Variants in ZFPM2 observed in about 807,000 individuals in gnomAD.
The protein encoded by ZFPM2 is zinc finger protein ZFPM2.
In ZFPM2, 20 loss-of-function variants were observed where a neutral mutation model predicts 98.6. That is an observed-to-expected ratio of 0.20 (90% CI 0.14 to 0.29). ZFPM2 has a LOEUF of 0.29. Ranked by LOEUF, ZFPM2 falls within the 10% of genes least tolerant of loss-of-function variation. ZFPM2 has a pLI of 1.00. For synonymous variants in ZFPM2, 518 were observed against 502.7 expected (o/e 1.03, Z -0.41); for missense variants, 1,310 against 1,388.6 (o/e 0.94, Z 0.90).
At chr8:105,530,674 C>T (rs1317579585) in intron 3 of ZFPM2, among the ~76,000 whole-genome samples, 1 of 152,132 alleles carries the variant, frequency 6.6e-6, no homozygotes, top group Non-Finnish European at 1.5e-5. Context: ...AGGGTCTACC[C>T]TTATGACCTC....
At position 105,802,460 on chromosome 8, in the gene ZFPM2, G is replaced by T; in HGVS notation, c.2378G>T (p.Gly793Val). The change falls in exon 8 of 8, where the codon GGA (glycine) becomes GTA (valine). Residue 793 changes from glycine (G) to valine (V), a missense_variant. By Grantham distance (109) the Gly-to-Val change is moderately radical (BLOSUM62 -3). Transcript: ENST00000407775. ...CACCCAAGATGTGATATCTTTCCAGGAATTGTCTCTAAACACTTGGAAACT... is the reference window on the plus strand; with the variant it reads ...CACCCAAGATGTGATATCTTTCCAGTAATTGTCTCTAAACACTTGGAAACT... ...CYHPRCDIFP[G>V]IVSKHLETSL... 6.2e-7 allele frequency: 1 copy of T among 1,613,574 alleles called. No individual in the cohort carries two copies. The highest frequency in any genetic ancestry group is 8.5e-7 in the Non-Finnish European group (1 of 1,179,766).
At chr8:105,388,056 C>T (rs1811036545) in intron 1 of ZFPM2, 1 of 152,128 alleles carries the variant, frequency 6.6e-6, no homozygotes, top group Non-Finnish European at 1.5e-5. Context: ...CAAATTAATT[C>T]AAGACATCTT....
intron 2 of ZFPM2, among the ~76,000 whole-genome samples, chr8:105,425,930 G>A (rs896220553): frequency 1.5e-4 from 23 of 152,144 alleles, no homozygotes; most frequent in African/African-American, 4.6e-4. Context: ...AAACATCATA[G>A]TATTTTGTTT....
chr8:105,665,193 T>G (rs1817465976), intron 5 of ZFPM2, among the ~76,000 whole-genome samples: 1 of 152,082 alleles, frequency 6.6e-6, no homozygotes, highest in Non-Finnish European at 1.5e-5. Context: ...TCATGATAAC[T>G]AAACTGTTCC....
chr8:105,680,686 A>AAT (rs933181945), intron 5 of ZFPM2, among the ~76,000 whole-genome samples: 133 of 152,292 alleles, frequency 8.7e-4, no homozygotes, highest in African/African-American at 3.0e-3. Flanking sequence ...ACTACCAGTG[A>AAT]ATATGCCTGG....
At chr8:105,346,323 G>C (rs186526972) in intron 1 of ZFPM2, among the ~76,000 whole-genome samples, 5 of 151,644 alleles carry the variant, frequency 3.3e-5, no homozygotes, top group African/African-American at 1.2e-4. Context: ...GGCGGAGGTT[G>C]CAGTGAGCCG....
intron 3 of ZFPM2, among the ~76,000 whole-genome samples, chr8:105,515,697 T>G (rs1438643012): frequency 6.6e-6 from 1 of 152,068 alleles, no homozygotes; most frequent in Non-Finnish European, 1.5e-5. Flanking sequence ...CAGGCTGTGG[T>G]TCTTTGCTGT....
At chr8:105,524,047 A>G (rs2130558233) in intron 3 of ZFPM2, among the ~76,000 whole-genome samples, 1 of 152,300 alleles carries the variant, frequency 6.6e-6, no homozygotes, top group African/African-American at 2.4e-5. Context: ...TACTGTATCA[A>G]GTAATATATG....
chr8:105,690,673 T>TTA, intron 5 of ZFPM2, among the ~76,000 whole-genome samples: 1 of 152,098 alleles, frequency 6.6e-6, no homozygotes, highest in South Asian at 2.1e-4. Context: ...CAGAAACTAA[T>TTA]ATCTCTCATA....
At chr8:105,461,536 TC>T (rs1383862658) in intron 3 of ZFPM2, among the ~76,000 whole-genome samples, 1 of 152,160 alleles carries the variant, frequency 6.6e-6, no homozygotes, top group African/African-American at 2.4e-5. Context: ...AAATCAGTGG[TC>T]CTAAAGCATT....
intron 1 of ZFPM2, among the ~76,000 whole-genome samples, chr8:105,345,968 T>G (rs1812516165): frequency 6.6e-6 from 1 of 152,222 alleles, no homozygotes. Flanking sequence ...CAATAAATGT[T>G]TGCCATGCAA....
intron 5 of ZFPM2, among the ~76,000 whole-genome samples, chr8:105,666,284 T>A (rs1817486842): frequency 6.6e-6 from 1 of 152,184 alleles, no homozygotes; most frequent in Non-Finnish European, 1.5e-5. Context: ...TCTTCTGATA[T>A]AATCAAGAAA....
intron 5 of ZFPM2, among the ~76,000 whole-genome samples, chr8:105,650,439 T>C (rs1048229536): frequency 2.6e-5 from 4 of 152,222 alleles, no homozygotes; most frequent in African/African-American, 9.6e-5. Context: ...TGTTTGCTCT[T>C]ACTTCTCTAG....
chr8:105,352,726 A>G lies in ZFPM2; in HGVS notation c.40+33745A>G, dbSNP rs149654146. ...CTCCATAAATATTGCCATGAGAAGC[A>G]GAGCCCAAATTGTGGTTCAGATTTT... is the stretch of plus-strand genomic sequence containing the variant. On this transcript the variant is annotated intron_variant, in intron 1 of 7. Transcript: ENST00000407775. 1.6e-3 allele frequency among the ~76,000 whole-genome samples: 239 copies of G among 152,316 alleles called. 1 individual carries two copies. The highest frequency in any genetic ancestry group is 5.6e-3 in the African/African-American group (231 of 41,560).
intron 4 of ZFPM2, among the ~76,000 whole-genome samples, chr8:105,627,008 A>G (rs1394519312): frequency 6.6e-6 from 1 of 152,056 alleles, no homozygotes; most frequent in Non-Finnish European, 1.5e-5. Context: ...GCTCTTTCTA[A>G]CCCTCCTTTT....
intron 3 of ZFPM2, among the ~76,000 whole-genome samples, chr8:105,460,851 G>A (rs1359357285): frequency 6.6e-6 from 1 of 151,776 alleles, no homozygotes; most frequent in Non-Finnish European, 1.5e-5. Flanking sequence ...CTTATTAAAT[G>A]TAACAATTAT....
chr8:105,657,886 AAATTAATAGAAACAATT>A, intron 5 of ZFPM2, among the ~76,000 whole-genome samples: 1 of 152,310 alleles, frequency 6.6e-6, no homozygotes, highest in African/African-American at 2.4e-5. Context: ...CATGCCTACC[AAATTAATAGAAACAATT>A]CAGCCCACAG....
intron 1 of ZFPM2, among the ~76,000 whole-genome samples, chr8:105,323,338 TA>T (rs1311103217): frequency 6.6e-6 from 1 of 151,946 alleles, no homozygotes; most frequent in Non-Finnish European, 1.5e-5. Context: ...ACAAATAAGT[TA>T]TTTTTTTTCT....
intron 3 of ZFPM2, among the ~76,000 whole-genome samples, chr8:105,463,293 G>GTATA (rs1428230052): frequency 1.3e-5 from 2 of 151,302 alleles, no homozygotes; most frequent in Non-Finnish European, 2.9e-5. Flanking sequence ...ATATGTGTGT[G>GTATA]TGTATATATA....
Sources: allele counts gnomAD v4.1 joint callset (sites outside exome capture counted in the v4.1 genomes callset), GRCh38; gene constraint gnomAD v4.1.1; transcripts MANE v1.5; gene names NCBI Gene and HGNC (gene_info 2026-07-23, HGNC 2026-07-21).